Variants in RBFOX1 observed in about 807,000 individuals in gnomAD.
RBFOX1 encodes the protein RNA binding protein fox-1 homolog 1.
In RBFOX1, 8 loss-of-function variants were observed where a neutral mutation model predicts 57.7. That is an observed-to-expected ratio of 0.14 (90% CI 0.08 to 0.25). RBFOX1 has a LOEUF of 0.25. Ranked by LOEUF, RBFOX1 falls within the 10% of genes least tolerant of loss-of-function variation. The pLI is 1.00. For missense variants in RBFOX1, 611 were observed against 548.5 expected (o/e 1.11, Z -1.14); for synonymous variants, 326 against 222.4 (o/e 1.47, Z -4.15).
chr16:7,154,065 A>C (rs2076612346), intron 4 of RBFOX1, among the ~76,000 whole-genome samples: 2 of 152,204 alleles, frequency 1.3e-5, no homozygotes, highest in South Asian at 4.1e-4. Flanking sequence ...AGATTTGCTT[A>C]AATAATGGGC....
At chr16:6,827,427 G>T (rs1603629599) in intron 3 of RBFOX1, among the ~76,000 whole-genome samples, 1 of 151,444 alleles carries the variant, frequency 6.6e-6, no homozygotes, top group African/African-American at 2.4e-5. Context: ...AGGAAGAGAA[G>T]TTTGGTCAAT....
chr16:5,612,059 C>T (rs1467023849), intron 3 of RBFOX1, among the ~76,000 whole-genome samples: 4 of 151,758 alleles, frequency 2.6e-5, no homozygotes, highest in Non-Finnish European at 5.9e-5. Flanking sequence ...TCCATCTCTC[C>T]ATCTAGTCTC....
intron 4 of RBFOX1, among the ~76,000 whole-genome samples, chr16:5,993,707 A>T (rs190731330): frequency 1.3e-4 from 20 of 152,320 alleles, no homozygotes; most frequent in African/African-American, 3.8e-4. Flanking sequence ...ATTAATTAAT[A>T]TCATTTGACC....
At chr16:7,568,030 A>G (rs1422124215) in intron 5 of RBFOX1, among the ~76,000 whole-genome samples, 1 of 151,976 alleles carries the variant, frequency 6.6e-6, no homozygotes, top group Non-Finnish European at 1.5e-5. Flanking sequence ...AACTTAGTTG[A>G]CTCAATAATA....
chr16:6,549,099 G>C (rs189681659), intron 2 of RBFOX1, among the ~76,000 whole-genome samples: 1 of 119,106 alleles, frequency 8.4e-6, no homozygotes, highest in Non-Finnish European at 1.7e-5. Context: ...GGGAAGAGGA[G>C]GCGGGGAGGA....
chr16:5,618,251 T>G (rs534947901), intron 3 of RBFOX1, among the ~76,000 whole-genome samples: 1 of 152,314 alleles, frequency 6.6e-6, no homozygotes, highest in East Asian at 1.9e-4. Context: ...TACATCTGTT[T>G]CCTTTGCTGT....
chr16:5,502,411 C>T (rs768179047), intron 2 of RBFOX1, among the ~76,000 whole-genome samples: 14 of 152,138 alleles, frequency 9.2e-5, no homozygotes, highest in African/African-American at 2.4e-4. Context: ...CATTCTTCCT[C>T]GGCTTGCCTG....
chr16:7,558,378 A>G (rs2089360452), intron 5 of RBFOX1, among the ~76,000 whole-genome samples: 1 of 152,060 alleles, frequency 6.6e-6, no homozygotes, highest in Non-Finnish European at 1.5e-5. Context: ...ATATATATAT[A>G]CACGCGCACA....
At chr16:5,574,669 G>T (rs1194631579) in intron 2 of RBFOX1, among the ~76,000 whole-genome samples, 13 of 152,050 alleles carry the variant, frequency 8.5e-5, no homozygotes, top group Admixed American at 8.5e-4. Context: ...GACCTCAAGT[G>T]ATCCGCCCAC....
At chr16:7,189,525 C>A (rs1293019530) in intron 4 of RBFOX1, among the ~76,000 whole-genome samples, 1 of 149,540 alleles carries the variant, frequency 6.7e-6, no homozygotes, top group East Asian at 2.1e-4. Context: ...GAATACATTG[C>A]CCCCACTCCA....
chr16:6,752,034 C>T (rs1037310663), intron 3 of RBFOX1, among the ~76,000 whole-genome samples: 1 of 152,146 alleles, frequency 6.6e-6, no homozygotes, highest in Admixed American at 6.6e-5. Flanking sequence ...CAAGTTACCA[C>T]TGCTTTCAAC....
rs13333809 is a variant in RBFOX1, at chr16:6,181,155, C to T, written c.-126-135840C>T. Reference sequence around the variant, plus strand: ...GGCTGGTAAAGTCATTGGCTCTCTCCAGTTTTCCATCACTGAGAATATAAT... The same window carrying T: ...GGCTGGTAAAGTCATTGGCTCTCTCTAGTTTTCCATCACTGAGAATATAAT... On this transcript the variant is annotated intron_variant, in intron 1 of 15. Transcript: ENST00000550418. 9.9e-3 allele frequency among the ~76,000 whole-genome samples: 1,515 copies of T among 152,274 alleles called. 24 individuals carry two copies. The highest frequency in any genetic ancestry group is 0.035 in the African/African-American group (1,446 of 41,564).
chr16:6,646,605 A>C (rs1043889864), intron 2 of RBFOX1, among the ~76,000 whole-genome samples: 4 of 152,044 alleles, frequency 2.6e-5, no homozygotes, highest in African/African-American at 9.7e-5. Flanking sequence ...TGGCAAACTT[A>C]ACATATTTTC....
intron 5 of RBFOX1, among the ~76,000 whole-genome samples, chr16:7,532,827 G>A (rs192542040): frequency 1.2e-3 from 179 of 152,314 alleles, no homozygotes; most frequent in African/African-American, 4.1e-3. Context: ...ATGGCCCACA[G>A]AGCCAAAATT....
At chr16:5,638,501 G>C (rs533831628) in intron 3 of RBFOX1, among the ~76,000 whole-genome samples, 23 of 152,276 alleles carry the variant, frequency 1.5e-4, no homozygotes, top group African/African-American at 5.5e-4. Flanking sequence ...AGCTGCTAGG[G>C]ATACTCACCT....
At chr16:6,948,372 T>C (rs1334891280) in intron 3 of RBFOX1, among the ~76,000 whole-genome samples, 7 of 133,666 alleles carry the variant, frequency 5.2e-5, no homozygotes, top group Admixed American at 4.5e-4. Flanking sequence ...TCTTTCTCCC[T>C]TTCTTTTTTT....
At chr16:5,873,100 C>T (rs1396126690) in intron 4 of RBFOX1, among the ~76,000 whole-genome samples, 3 of 152,152 alleles carry the variant, frequency 2.0e-5, no homozygotes, top group African/African-American at 2.4e-5. Context: ...CAGTGAGCTA[C>T]TATCATGCCA....
intron 13 of RBFOX1, among the ~76,000 whole-genome samples, chr16:7,670,848 G>A (rs1031881283): frequency 6.6e-6 from 1 of 152,128 alleles, no homozygotes; most frequent in Admixed American, 6.5e-5. Context: ...GACCATGAAT[G>A]ACTCTTATGT....
At chr16:6,609,151 A>G (rs1006266655) in intron 2 of RBFOX1, among the ~76,000 whole-genome samples, 12 of 152,098 alleles carry the variant, frequency 7.9e-5, no homozygotes. Context: ...ATGTCATATG[A>G]TACATTCGCA....
Sources: gnomAD v4.1 joint callset for allele counts (sites outside exome capture counted in the v4.1 genomes callset) on GRCh38, gnomAD v4.1.1 for gene constraint, MANE v1.5 for transcripts, NCBI Gene and HGNC (gene_info 2026-07-23, HGNC 2026-07-21) for gene names.